The following USP32 variants were observed in gnomAD, a reference collection of about 807,000 sequenced individuals.
USP32 encodes the protein ubiquitin specific peptidase 32.
USP32 carries 59 observed loss-of-function variants against 204.8 expected under a neutral mutation model. That is an observed-to-expected ratio of 0.29 (90% confidence interval 0.23 to 0.36). The LOEUF is 0.36. Among genes scored for constraint, USP32 ranks in the 10% least tolerant of loss-of-function variants. The probability of loss-of-function intolerance (pLI) is 1.00; values close to 1 mark genes in which losing one functional copy is unlikely to be tolerated. For synonymous variants in USP32, 517 were observed against 678.4 expected (o/e 0.76, Z 3.70); for missense variants, 1,160 against 1,946.4 (o/e 0.60, Z 7.60).
At chr17:60,300,456 T>C (rs1027271683) in intron 3 of USP32, among the ~76,000 whole-genome samples, 114 of 152,324 alleles carry the variant, frequency 7.5e-4, no homozygotes, top group African/African-American at 2.6e-3. Context: ...AGCATTTCCC[T>C]GATCAGCAGG....
At position 60,349,662 on chromosome 17, in the gene USP32, T is replaced by TAC. The variant is rs1252633967; in HGVS notation, c.59-4056_59-4055dup. On this transcript the variant is annotated intron_variant, in intron 1 of 33. Transcript: ENST00000300896. ...TATATATTATATATATACATATATA[T>TAC]ACACATATATATATACACACATATA... is the stretch of plus-strand genomic sequence containing the variant. 6.6e-4 allele frequency among the ~76,000 whole-genome samples: 66 copies of TAC among 99,380 alleles called. 2 individuals carry two copies. Among genetic ancestry groups the TAC allele is most frequent in the African/African-American group, 4.9e-3 (64 of 13,086 alleles). 65.2% of individuals were successfully genotyped at this position (99,380 alleles called of 152,430 possible).
At chr17:60,389,438 G>A (rs2089790163) in intron 1 of USP32, among the ~76,000 whole-genome samples, 3 of 151,968 alleles carry the variant, frequency 2.0e-5, no homozygotes, top group Admixed American at 2.0e-4. Context: ...AGCTACTCGG[G>A]AGGCTGAGGC....
intron 1 of USP32, among the ~76,000 whole-genome samples, chr17:60,407,971 G>A (rs1026491697): frequency 2.0e-5 from 3 of 151,808 alleles, no homozygotes; most frequent in South Asian, 2.1e-4. Context: ...GGGGGTGAGC[G>A]CCTATAGTCC....
At chr17:60,266,169 T>C in intron 7 of USP32, 78 bp from the exon 8 acceptor site, 1 of 1,111,224 alleles carries the variant, frequency 9.0e-7, no homozygotes. Flanking sequence ...AAGTTGCCCT[T>C]GTATAATTAC....
intron 16 of USP32, among the ~76,000 whole-genome samples, chr17:60,218,707 G>A (rs1225127237): frequency 3.3e-5 from 5 of 152,010 alleles, no homozygotes; most frequent in East Asian, 3.9e-4. Flanking sequence ...GGGTTCAAGC[G>A]ATTCTCTTGC....
At chr17:60,371,923 T>C (rs1331639828) in intron 1 of USP32, among the ~76,000 whole-genome samples, 1 of 152,168 alleles carries the variant, frequency 6.6e-6, no homozygotes, top group Non-Finnish European at 1.5e-5. Flanking sequence ...AAAACAAACA[T>C]TGTGCTAGAA....
chr17:60,388,638 A>T (rs1373129542), intron 1 of USP32, among the ~76,000 whole-genome samples: 3 of 152,190 alleles, frequency 2.0e-5, no homozygotes, highest in Non-Finnish European at 4.4e-5. Context: ...CAATATAAAC[A>T]AGAGTCAAGG....
intron 1 of USP32, among the ~76,000 whole-genome samples, chr17:60,419,102 A>G (rs113037530): frequency 1.0e-3 from 155 of 152,314 alleles, no homozygotes; most frequent in African/African-American, 3.3e-3. Flanking sequence ...TAGCAAAGAC[A>G]TGGAATCAAC....
At chr17:60,361,529 G>A (rs2089206817) in intron 1 of USP32, among the ~76,000 whole-genome samples, 1 of 152,124 alleles carries the variant, frequency 6.6e-6, no homozygotes, top group African/African-American at 2.4e-5. Flanking sequence ...CTTCTCCAGT[G>A]AGCACTAGGG....
At chr17:60,210,849 G>GCATATATT (rs1370566880) in intron 21 of USP32, among the ~76,000 whole-genome samples, 164 bp downstream of exon 21, 19 of 152,326 alleles carry the variant, frequency 1.2e-4, no homozygotes, top group African/African-American at 4.6e-4. Context: ...TAGTAATTTT[G>GCATATATT]CATATATTTA....
intron 16 of USP32, among the ~76,000 whole-genome samples, chr17:60,217,513 T>C (rs1013390367): frequency 1.3e-5 from 2 of 152,122 alleles, no homozygotes; most frequent in Non-Finnish European, 2.9e-5. Flanking sequence ...CAGGTTGGTC[T>C]CGAACTCCTG....
At chr17:60,275,326 G>A (rs934966880) in intron 5 of USP32, among the ~76,000 whole-genome samples, 17 of 152,004 alleles carry the variant, frequency 1.1e-4, no homozygotes, top group Admixed American at 6.6e-4. Context: ...GTGTGGTGGC[G>A]TGTGCCTGTA....
chr17:60,411,521 A>T (rs1298056567), intron 1 of USP32, among the ~76,000 whole-genome samples: 1 of 149,736 alleles, frequency 6.7e-6, no homozygotes, highest in African/African-American at 2.5e-5. Context: ...ACTATTTTTT[A>T]AATTTAATTT....
chr17:60,371,512 T>C (rs1436273717), intron 1 of USP32, among the ~76,000 whole-genome samples: 2 of 149,650 alleles, frequency 1.3e-5, no homozygotes, highest in African/African-American at 4.9e-5. Context: ...GAGGTTGCAA[T>C]AAGCCAAGAC....
At chr17:60,357,665 G>C (rs1214087035) in intron 1 of USP32, among the ~76,000 whole-genome samples, 1 of 152,114 alleles carries the variant, frequency 6.6e-6, no homozygotes, top group Admixed American at 6.5e-5. Context: ...ATTAATAGTA[G>C]TTAATATCAT....
chr17:60,344,349 C>T (rs953436300), intron 2 of USP32, among the ~76,000 whole-genome samples: 7 of 151,950 alleles, frequency 4.6e-5, no homozygotes, highest in African/African-American at 7.2e-5. Flanking sequence ...AGGCTGGTCT[C>T]GAATTCCTGA....
At position 60,269,560 on chromosome 17, in the gene USP32, G is replaced by C. The variant is rs1489136520; in HGVS notation, c.704-3C>G. ...TTCATCAAAAGCATTAAACAAACCTGTAAAATAGGAAGAGATGCCATAAAT... is the reference window on the plus strand; with the variant it reads ...TTCATCAAAAGCATTAAACAAACCTCTAAAATAGGAAGAGATGCCATAAAT... On this transcript the variant is annotated splice_polypyrimidine_tract_variant and splice_region_variant and intron_variant, in intron 6 of 33. Transcript: ENST00000300896. 6.3e-7 allele frequency: 1 copy of C among 1,595,114 alleles called. No homozygotes were observed. The highest frequency in any genetic ancestry group is 8.5e-7 in the Non-Finnish European group (1 of 1,172,158).
intron 1 of USP32, among the ~76,000 whole-genome samples, chr17:60,401,229 G>A (rs1043860090): frequency 6.6e-6 from 1 of 151,962 alleles, no homozygotes; most frequent in African/African-American, 2.4e-5. Context: ...GCCAAGGTGG[G>A]CGTGGTGGTG....
chr17:60,321,365 A>T (rs942461820), intron 2 of USP32, among the ~76,000 whole-genome samples: 1 of 152,200 alleles, frequency 6.6e-6, no homozygotes, highest in Non-Finnish European at 1.5e-5. Context: ...GTGGGAACTG[A>T]TGCCCTGAGC....
Sources: allele counts gnomAD v4.1 joint callset (sites outside exome capture counted in the v4.1 genomes callset), GRCh38; gene constraint gnomAD v4.1.1; transcripts MANE v1.5; gene names NCBI Gene and HGNC (gene_info 2026-07-23, HGNC 2026-07-21).